MRO: variants seen among roughly 807,000 people sequenced by gnomAD.
MRO encodes maestro.
In MRO, 28 loss-of-function variants were observed where a neutral mutation model predicts 31.0. The ratio of observed to expected loss-of-function variants is 0.90; its 90% CI spans 0.67 to 1.24. The LOEUF is 1.24. Among genes scored for constraint, MRO ranks in the 50% most tolerant of loss-of-function variants. The pLI is 0.00. For missense variants in MRO, 332 were observed against 289.2 expected (o/e 1.15, Z -1.07); for synonymous variants, 108 against 108.4 (o/e 1.00, Z 0.02).
At position 50,820,012 on chromosome 18, in the gene MRO, A is replaced by G. The variant is rs551652006; in HGVS notation, c.-242T>C. Reference sequence around the variant, plus strand: ...TTCTGCAGAAATTCTGCAGATGGCAATTCTGGGGACCTTTCCTCTGCACCA... The same window carrying G: ...TTCTGCAGAAATTCTGCAGATGGCAGTTCTGGGGACCTTTCCTCTGCACCA... On this transcript the variant is annotated 5_prime_UTR_variant, in exon 1 of 8. Transcript: ENST00000398439. 1.4e-5 allele frequency: 21 copies of G among 1,491,760 alleles called. No individual in the cohort carries two copies. In the African/African-American group the frequency reaches 2.8e-4, roughly 20 times the overall value. The allele number at this position is 1,491,760 out of a possible 1,614,324, so 92.4% of individuals were successfully genotyped here.
chr18:50,801,650 A>T, intron 5 of MRO, 146 bp from the exon 6 acceptor site: 200 of 575,462 alleles, frequency 3.5e-4, no homozygotes, highest in East Asian at 6.5e-4. Flanking sequence ...TGTACATTAC[A>T]GGGTGGGTGG....
chr18:50,799,535 T>A (rs1913088269), intron 7 of MRO, 145 bp from the exon 8 acceptor site: 1 of 722,808 alleles, frequency 1.4e-6, no homozygotes, highest in African/African-American at 1.7e-5. Flanking sequence ...GTGACCTGAA[T>A]TGGAACTGCC....
chr18:50,816,329 T>C (rs979263248), intron 2 of MRO, among the ~76,000 whole-genome samples: 2 of 152,248 alleles, frequency 1.3e-5, no homozygotes, highest in Non-Finnish European at 2.9e-5. Context: ...TTATCTGCTA[T>C]AGCTTTTTCT....
Position 50,798,896 on chromosome 18 carries a change from T to C in MRO, c.*441A>G, listed in dbSNP as rs1046585847. On this transcript the variant is annotated 3_prime_UTR_variant, in exon 8 of 8. Coordinates refer to ENST00000398439, the MANE Select transcript of MRO (RefSeq NM_031939.6). ...AAAGGTATCAATAGCAAAGTATCAA[T>C]AGCAAATACACTAAAAAAAAACAAA... The C allele has an allele frequency of 1.3e-5, 2 of 150,550 alleles. No individual in the cohort carries two copies. The highest frequency in any genetic ancestry group is 2.0e-4 in the East Asian group (1 of 5,078). 9.3% of individuals were successfully genotyped at this position (150,550 alleles called of 1,614,324 possible).
chr18:50,809,933 T>C (rs1429555911), intron 2 of MRO, among the ~76,000 whole-genome samples: 2 of 152,212 alleles, frequency 1.3e-5, no homozygotes, highest in South Asian at 2.1e-4. Context: ...ATAAACAATA[T>C]TGTGTTCTTT....
rs1370207562 is a variant in MRO at position 50,801,374 on chromosome 18, T to C, written c.560A>G (p.Gln187Arg). ...CTTGGCAACCTGGGGATTTCTGTCC[T>C]GTAAATGGATCAGGAGGGAATCTCG... Reference protein sequence around the residue: ...QTRDSLLIHLQDRNPQVAKAC... With the variant: ...QTRDSLLIHLRDRNPQVAKAC... Residue 187 changes from glutamine (Q) to arginine (R), a missense_variant, in exon 6 of 8, where the codon CAG becomes CGG. Coordinates refer to ENST00000398439, the MANE Select transcript of MRO (RefSeq NM_031939.6). 4 of 1,602,294 alleles carry C rather than the reference T, an allele frequency of 2.5e-6. No homozygotes were observed. The highest frequency in any genetic ancestry group is 2.2e-5 in the South Asian group (2 of 89,514).
At chr18:50,803,428 G>A (rs1161466702) in intron 5 of MRO, among the ~76,000 whole-genome samples, 1 of 151,906 alleles carries the variant, frequency 6.6e-6, no homozygotes, top group Non-Finnish European at 1.5e-5. Flanking sequence ...GATCAGTTGA[G>A]CCTGGGAGGT....
chr18:50,800,884 CA>C (rs11295212), intron 6 of MRO, among the ~76,000 whole-genome samples: 55,725 of 105,094 alleles, frequency 0.53, 11,406 homozygotes, highest in Admixed American at 0.61. Flanking sequence ...AAAACTGTCT[CA>C]AAAAAAAAAA....
At chr18:50,799,413 C>T (rs1278169478) in intron 7 of MRO, 23 bp from the exon 8 acceptor site, 20 of 1,608,864 alleles carry the variant, frequency 1.2e-5, no homozygotes, top group Admixed American at 1.7e-5. Flanking sequence ...AGCAAAGGTA[C>T]GCGTGAGGGC....
At chr18:50,813,865 A>T (rs1165093576) in intron 2 of MRO, among the ~76,000 whole-genome samples, 1 of 152,180 alleles carries the variant, frequency 6.6e-6, no homozygotes, top group African/African-American at 2.4e-5. Flanking sequence ...GAGGGTGAAG[A>T]TGGAAAAACT....
chr18:50,800,480 G>A (rs1355508252), intron 6 of MRO, among the ~76,000 whole-genome samples: 1 of 152,210 alleles, frequency 6.6e-6, no homozygotes, highest in African/African-American at 2.4e-5. Context: ...GCTCCCAATT[G>A]TTTTGAAACG....
chr18:50,810,888 C>T (rs938374914), intron 2 of MRO, among the ~76,000 whole-genome samples: 3 of 152,154 alleles, frequency 2.0e-5, no homozygotes, highest in East Asian at 1.9e-4. Context: ...AGGGTACATG[C>T]GCACAACGTG....
intron 2 of MRO, among the ~76,000 whole-genome samples, chr18:50,817,332 G>A (rs1181685026): frequency 3.9e-5 from 6 of 151,920 alleles, no homozygotes; most frequent in African/African-American, 1.5e-4. Flanking sequence ...CCCGGGGTAC[G>A]TGTTACAAAC....
At chr18:50,802,090 A>G (rs1019239427) in intron 5 of MRO, among the ~76,000 whole-genome samples, 6 of 152,128 alleles carry the variant, frequency 3.9e-5, no homozygotes, top group Non-Finnish European at 8.8e-5. Context: ...CTCTTTCTAC[A>G]TCAATACATA....
intron 3 of MRO, among the ~76,000 whole-genome samples, chr18:50,807,844 G>A (rs1177957882): frequency 6.6e-6 from 1 of 152,216 alleles, no homozygotes; most frequent in Non-Finnish European, 1.5e-5. Context: ...TTGGGAGGCC[G>A]AGGCAGGCGG....
rs761693612 is a variant in MRO at position 50,801,510 on chromosome 18, G to C, written c.430-6C>G. 1.9e-6 allele frequency: 3 copies of C among 1,580,092 alleles called. No homozygotes were observed. The highest frequency in any genetic ancestry group is 3.7e-5 in the Admixed American group (2 of 53,638). On this transcript the variant is annotated splice_polypyrimidine_tract_variant and splice_region_variant and intron_variant, in intron 5 of 7. Coordinates refer to ENST00000398439, the MANE Select transcript of MRO (RefSeq NM_031939.6). ...TATCTCAGACTGTCGTTCTCCTGCG[G>C]TCCCCATCAACAAAACAATAAGAAA...
intron 7 of MRO, 63 bp from the exon 8 acceptor site, chr18:50,799,453 ACTAGTAGG>A (rs2144573155): frequency 7.2e-7 from 1 of 1,390,474 alleles, no homozygotes; most frequent in Non-Finnish European, 1.0e-6. Flanking sequence ...TGACAATGTA[ACTAGTAGG>A]CAGTGATCAG....
rs1414296465 is a variant in MRO, at chr18:50,805,298, C to G, written c.285G>C (p.Val95=). Residue 95 remains valine (V), a synonymous_variant, in exon 5 of 8, where the codon GTG becomes GTC. Coordinates refer to ENST00000398439, the MANE Select transcript of MRO (RefSeq NM_031939.6). The part of the protein sequence containing the change: ...KYKKIVLDLL[V]YGLYDPVNLE... ...AATTCACAGGGTCATACAGTCCATA[C>G]ACCAGCAGGTCGAGGACAATTTTCT... 2.5e-6 allele frequency: 4 copies of G among 1,614,024 alleles called. No individual in the cohort carries two copies. The highest frequency in any genetic ancestry group is 3.4e-6 in the Non-Finnish European group (4 of 1,180,000).
intron 5 of MRO, among the ~76,000 whole-genome samples, chr18:50,804,278 T>A (rs1201479850): frequency 1.3e-5 from 2 of 152,222 alleles, no homozygotes; most frequent in African/African-American, 4.8e-5. Flanking sequence ...ATTGACTACA[T>A]GTTAGTCAAT....
Sources: gnomAD v4.1 joint callset for allele counts (sites outside exome capture counted in the v4.1 genomes callset) on GRCh38, gnomAD v4.1.1 for gene constraint, MANE v1.5 for transcripts, NCBI Gene and HGNC (gene_info 2026-07-23, HGNC 2026-07-21) for gene names.